The following ABAT variants were observed in gnomAD, a reference collection of about 807,000 sequenced individuals.
ABAT encodes 4-aminobutyrate aminotransferase.
Under a neutral mutation model 64.6 loss-of-function variants are expected in ABAT, and 45 were observed. That is an observed-to-expected ratio of 0.70 (90% CI 0.55 to 0.89). The LOEUF (loss-of-function observed/expected upper bound fraction) is 0.89, where lower values mean the gene tolerates loss of function less well. Among genes scored for constraint, ABAT ranks in the 40% least tolerant of loss-of-function variants. The pLI is 0.00. For missense variants in ABAT, 633 were observed against 658.4 expected, an observed-to-expected ratio of 0.96 and a Z score of 0.42; for synonymous variants, 297 against 250.5, an observed-to-expected ratio of 1.19 and a Z score of -1.75.
intron 1 of ABAT, among the ~76,000 whole-genome samples, chr16:8,732,931 A>AC (rs1292116825): frequency 9.7e-5 from 14 of 143,840 alleles, no homozygotes; most frequent in South Asian, 2.2e-4. Flanking sequence ...CGGGGGGCTG[A>AC]CCCCCCTACC....
At chr16:8,720,106 C>T (rs1358731054) in intron 1 of ABAT, among the ~76,000 whole-genome samples, 1 of 152,188 alleles carries the variant, frequency 6.6e-6, no homozygotes, top group Non-Finnish European at 1.5e-5. Flanking sequence ...AGCCATCGCG[C>T]CCAGCCAAAA....
intron 14 of ABAT, among the ~76,000 whole-genome samples, 188 bp from the exon 15 acceptor site, chr16:8,779,291 C>T (rs1388046952): frequency 3.3e-5 from 5 of 152,120 alleles, no homozygotes; most frequent in African/African-American, 9.7e-5. Context: ...ACACAACACA[C>T]ATGTGCACAG....
At chr16:8,766,137 T>G in intron 8 of ABAT, 71 bp from the exon 9 acceptor site, 3 of 1,426,396 alleles carry the variant, frequency 2.1e-6, no homozygotes, top group South Asian at 1.2e-5. Flanking sequence ...TGAATATCGG[T>G]TTGGTTGGAA....
At chr16:8,687,471 A>T (rs1354609813) in intron 1 of ABAT, among the ~76,000 whole-genome samples, 1 of 152,222 alleles carries the variant, frequency 6.6e-6, no homozygotes, top group East Asian at 1.9e-4. Flanking sequence ...GGTTGCAATG[A>T]GCCGAGATCG....
At chr16:8,737,092 C>G (rs765499014) in intron 2 of ABAT, 7 of 152,350 alleles carry the variant, frequency 4.6e-5, no homozygotes, top group Non-Finnish European at 1.0e-4. Context: ...TGTCCTTGGT[C>G]TGCATGTTGA....
At chr16:8,686,287 A>G (rs55853561) in intron 1 of ABAT, among the ~76,000 whole-genome samples, 89,347 of 152,094 alleles carry the variant, frequency 0.59, 26,664 homozygotes, top group East Asian at 0.8. Context: ...CATGCCTGGC[A>G]TCCTGCCCCA....
chr16:8,701,597 T>C (rs1380285449), intron 1 of ABAT, among the ~76,000 whole-genome samples: 1 of 152,246 alleles, frequency 6.6e-6, no homozygotes, highest in African/African-American at 2.4e-5. Flanking sequence ...ATTAAAATAC[T>C]GATGGTTACT....
intron 10 of ABAT, 38 bp from the exon 11 acceptor site, chr16:8,768,787 C>A: frequency 6.2e-7 from 1 of 1,613,716 alleles, no homozygotes; most frequent in South Asian, 1.1e-5. Flanking sequence ...CCTGCTTCCC[C>A]AAGCCAAGCG....
At chr16:8,689,671 G>A (rs1359186921) in intron 1 of ABAT, among the ~76,000 whole-genome samples, 1 of 152,240 alleles carries the variant, frequency 6.6e-6, no homozygotes, top group African/African-American at 2.4e-5. Context: ...ATTTGATCTG[G>A]TGGGAGAGGT....
Position 8,781,879 on chromosome 16 carries a change from A to C in ABAT, c.*449A>C. ...GGCTCCCCCTCGCCCTATGCAAGCA[A>C]ACACACTCTCACCTCCTCTCCCAGC... On this transcript the variant is annotated 3_prime_UTR_variant, in exon 16 of 16. Coordinates refer to ENST00000268251, the MANE Select transcript of ABAT (RefSeq NM_020686.6). The surrounding 1 kb of genome is among the most constrained non-coding windows in gnomAD (Gnocchi z 4.5). 3.1e-6 allele frequency: 1 copy of C among 324,616 alleles called. No homozygotes were observed. The highest frequency in any genetic ancestry group is 6.0e-6 in the Non-Finnish European group (1 of 167,046). The allele number at this position is 324,616 out of a possible 1,614,324, so 20.1% of individuals were successfully genotyped here.
At chr16:8,770,483 G>A (rs1411107552) in intron 11 of ABAT, among the ~76,000 whole-genome samples, 2 of 151,678 alleles carry the variant, frequency 1.3e-5, no homozygotes, top group Non-Finnish European at 2.9e-5. Flanking sequence ...CTGTCACCCA[G>A]GCTGGAGTGC....
At position 8,764,196 on chromosome 16, in the gene ABAT, C is replaced by A; in HGVS notation, c.447+47C>A. ...CCATTGTCTTCAGACGTGGTACTGGCAGGGGAAGGGAAAAGTGGAGACGCC... is the reference window on the plus strand; with the variant it reads ...CCATTGTCTTCAGACGTGGTACTGGAAGGGGAAGGGAAAAGTGGAGACGCC... On this transcript the variant is annotated intron_variant, in intron 7 of 15. Transcript: ENST00000268251. This position sits in a 1 kb window ranked among gnomAD's most constrained non-coding sequence, Gnocchi z 4.2. 2 of 1,517,564 alleles carry A rather than the reference C, an allele frequency of 1.3e-6. No homozygotes were observed. The highest frequency in any genetic ancestry group is 1.8e-6 in the Non-Finnish European group (2 of 1,094,552). The allele number at this position is 1,517,564 out of a possible 1,614,324, so 94.0% of individuals were successfully genotyped here. A position where few individuals can be genotyped will look rare whatever the true frequency, so the allele number is the denominator to read the frequency against.
chr16:8,680,206 T>C (rs1418757063), intron 1 of ABAT, among the ~76,000 whole-genome samples: 1 of 152,154 alleles, frequency 6.6e-6, no homozygotes, highest in Non-Finnish European at 1.5e-5. Flanking sequence ...CCTAGATTTC[T>C]TGGGTCCATC....
chr16:8,758,285 C>T (rs1030505381), intron 6 of ABAT, among the ~76,000 whole-genome samples: 28 of 152,264 alleles, frequency 1.8e-4, no homozygotes, highest in African/African-American at 6.3e-4. Context: ...AGAATAAACC[C>T]ACAGGAGCTG....
At chr16:8,746,990 A>G (rs553827875) in intron 3 of ABAT, among the ~76,000 whole-genome samples, 9 of 152,212 alleles carry the variant, frequency 5.9e-5, no homozygotes, top group Non-Finnish European at 1.2e-4. Context: ...GTTCTGCTCC[A>G]TGTGTCTGCC....
intron 3 of ABAT, 22 bp from the exon 4 acceptor site, chr16:8,748,086 C>G (rs1429961382): frequency 8.1e-6 from 13 of 1,611,942 alleles, no homozygotes; most frequent in Admixed American, 3.3e-5. Flanking sequence ...TGCTATAATG[C>G]TTTTGTTGTT....
At chr16:8,720,854 G>C (rs902895666) in intron 1 of ABAT, 2 of 152,278 alleles carry the variant, frequency 1.3e-5, no homozygotes, top group Non-Finnish European at 2.9e-5. Flanking sequence ...TTTCTAGAGA[G>C]ATCTGGGGGG....
intron 5 of ABAT, among the ~76,000 whole-genome samples, chr16:8,752,680 T>C: frequency 6.6e-6 from 1 of 152,036 alleles, no homozygotes; most frequent in Admixed American, 6.6e-5. Context: ...GTCAGGAGGA[T>C]CTCTGGAGCC....
chr16:8,750,451 T>G lies in ABAT; in HGVS notation c.228T>G (p.Asn76Lys), dbSNP rs999950715. The change falls in exon 5 of 16, where the codon AAT becomes AAG. Residue 76 changes from asparagine to lysine, a missense_variant. By Grantham distance (94) the Asn-to-Lys change is moderately conservative. Coordinates refer to ENST00000268251, the MANE Select transcript of ABAT (RefSeq NM_020686.6). ...CAGAGGCTGTGCATTTTTTCTGCAA[T>G]TACGAAGAGAGCCGAGGCAATTACC... ...QNAEAVHFFC[N>K]YEESRGNYLV... The G allele has an allele frequency of 6.2e-7, 1 of 1,614,072 alleles. No individual in the cohort carries two copies. The highest frequency in any genetic ancestry group is 8.5e-7 in the Non-Finnish European group (1 of 1,180,040).
Sources: allele counts gnomAD v4.1 joint callset (sites outside exome capture counted in the v4.1 genomes callset), GRCh38; gene constraint gnomAD v4.1.1; non-coding constraint Gnocchi (gnomAD v3.1); transcripts MANE v1.5; gene names NCBI Gene and HGNC (gene_info 2026-07-23, HGNC 2026-07-21).